Variants in DYRK1A observed in about 807,000 individuals in gnomAD.
DYRK1A encodes dual specificity tyrosine-phosphorylation-regulated kinase 1A.
Under a neutral mutation model 79.7 loss-of-function variants are expected in DYRK1A, and 9 were observed. The observed-to-expected ratio is 0.11, with a 90% CI of 0.07 to 0.20. The LOEUF is 0.20. Ranked by LOEUF, DYRK1A falls within the 10% of genes least tolerant of loss-of-function variation. The pLI, the probability that DYRK1A is intolerant of heterozygous loss-of-function variation, is 1.00. For missense variants in DYRK1A, 622 were observed against 956.0 expected (o/e 0.65, Z 4.61); for synonymous variants, 349 against 329.7 (o/e 1.06, Z -0.63).
At chr21:37,479,600 G>GTTTTTTTTTTTTTTTTTT in intron 4 of DYRK1A, among the ~76,000 whole-genome samples, 2 of 22,794 alleles carry the variant, frequency 8.8e-5, no homozygotes, top group South Asian at 1.5e-3. Context: ...TTTTGTTTTT[G>GTTTTTTTTTTTTTTTTTT]TTTTTGTTTT....
At chr21:37,426,735 C>A in intron 2 of DYRK1A, among the ~76,000 whole-genome samples, 1 of 146,996 alleles carries the variant, frequency 6.8e-6, no homozygotes. Context: ...ATGGTGAAAC[C>A]CCGTCTCTAC....
intron 2 of DYRK1A, among the ~76,000 whole-genome samples, chr21:37,438,779 A>G (rs2051000717): frequency 6.6e-6 from 1 of 152,146 alleles, no homozygotes; most frequent in Non-Finnish European, 1.5e-5. Context: ...CTTTCCTCTT[A>G]TTCAAAGTTT....
In DYRK1A at chr21:37,512,269, A is replaced by G. The variant is rs543826218; in HGVS notation, c.2003A>G (p.Asn668Ser). 26 of 1,614,232 alleles carry G rather than the reference A, an allele frequency of 1.6e-5. No homozygotes were observed. Among genetic ancestry groups the G allele is most frequent in the Middle Eastern group, 1.6e-4 (1 of 6,062 alleles). The change falls in exon 12 of 12, where the codon AAT becomes AGT. Residue 668 changes from asparagine to serine, a missense_variant. Around this residue, in one of 5 missense-constraint regions of DYRK1A, gnomAD observed 292 missense variants for 316.7 expected, o/e 0.92. Coordinates refer to ENST00000647188, the MANE Select transcript of DYRK1A (RefSeq NM_001347721.2). ...TCCTCCTCTACTGGTAACCAAGGCA[A>G]TCAGGCCTACCAGAATCGCCCAGTG... Reference protein sequence around the residue: ...TSSSSTGNQGNQAYQNRPVAA... With the variant: ...TSSSSTGNQGSQAYQNRPVAA...
chr21:37,409,221 A>G (rs1259133100), intron 1 of DYRK1A, among the ~76,000 whole-genome samples: 1 of 152,170 alleles, frequency 6.6e-6, no homozygotes, highest in Non-Finnish European at 1.5e-5. Flanking sequence ...ATATAACAGT[A>G]AAAAGAAGCA....
rs374411088 is a variant in DYRK1A, at chr21:37,440,833, G to C, written c.10+20449G>C. 5.3e-4 allele frequency among the ~76,000 whole-genome samples: 81 copies of C among 152,178 alleles called. No homozygotes were observed. In the South Asian group the frequency reaches 0.016, roughly 30 times the overall value. On this transcript the variant is annotated intron_variant, in intron 2 of 11. Transcript: ENST00000647188. ...TGTACCCCATAATGTTGTCTATCTTGGTTAAAGTTGCTTTGTCCCTAGAAA... is the reference window on the plus strand; with the variant it reads ...TGTACCCCATAATGTTGTCTATCTTCGTTAAAGTTGCTTTGTCCCTAGAAA...
At chr21:37,425,751 G>T (rs1203464344) in intron 2 of DYRK1A, 1 of 152,174 alleles carries the variant, frequency 6.6e-6, no homozygotes, top group Non-Finnish European at 1.5e-5. Flanking sequence ...GCAAGACTAG[G>T]TGAACAGTAT....
At chr21:37,376,464 G>A (rs754373630) in intron 1 of DYRK1A, among the ~76,000 whole-genome samples, 17 of 152,156 alleles carry the variant, frequency 1.1e-4, no homozygotes, top group Non-Finnish European at 2.1e-4. Flanking sequence ...GGCTGAGATC[G>A]TGCCACTGCG....
intron 2 of DYRK1A, among the ~76,000 whole-genome samples, chr21:37,438,689 C>T (rs1043495620): frequency 6.6e-6 from 1 of 152,124 alleles, no homozygotes; most frequent in South Asian, 2.1e-4. Context: ...ATCTATTTGT[C>T]CTGATACCAA....
intron 2 of DYRK1A, chr21:37,464,394 A>C (rs922305042): frequency 2.7e-6 from 1 of 375,586 alleles, no homozygotes; most frequent in Non-Finnish European, 5.2e-6. Flanking sequence ...AATTTTTCCC[A>C]AGTTTAGCAA....
intron 5 of DYRK1A, chr21:37,486,042 A>G (rs1196478465): frequency 2.6e-5 from 4 of 152,240 alleles, no homozygotes; most frequent in African/African-American, 7.2e-5. Flanking sequence ...TAAATATTTC[A>G]TACATATTCT....
intron 2 of DYRK1A, among the ~76,000 whole-genome samples, chr21:37,444,598 C>T (rs1423048446): frequency 1.5e-5 from 2 of 131,588 alleles, no homozygotes; most frequent in Non-Finnish European, 3.2e-5. Flanking sequence ...CCTGAGGAAC[C>T]CTAGACAAAC....
intron 3 of DYRK1A, among the ~76,000 whole-genome samples, chr21:37,476,507 C>T (rs1430622570): frequency 2.0e-5 from 3 of 152,086 alleles, no homozygotes; most frequent in South Asian, 2.1e-4. Context: ...TCCACCAGCC[C>T]AAGAAAGGGG....
At chr21:37,368,815 C>CA (rs2049371026) in intron 1 of DYRK1A, among the ~76,000 whole-genome samples, 2 of 152,192 alleles carry the variant, frequency 1.3e-5, no homozygotes, top group South Asian at 4.1e-4. Context: ...GAAATACTGG[C>CA]AAATTTTGGA....
At position 37,525,560 on chromosome 21, in the gene DYRK1A, T is replaced by A. The variant is rs2053962410; in HGVS notation, c.*13029T>A. 6.6e-6 allele frequency: 1 copy of A among 152,202 alleles called. No individual in the cohort carries two copies. The highest frequency in any genetic ancestry group is 1.5e-5 in the Non-Finnish European group (1 of 68,036). The allele number at this position is 152,202 out of a possible 1,614,324, so 9.4% of individuals were successfully genotyped here. On this transcript the variant is annotated 3_prime_UTR_variant, in exon 12 of 12. Coordinates refer to ENST00000647188, the MANE Select transcript of DYRK1A (RefSeq NM_001347721.2). ...ACAGCTAACTCATATCAGTGTGGAA[T>A]AGAAAATGGCTCAGTTGGACAACTT...
At chr21:37,511,104 G>A (rs1259465017) in intron 11 of DYRK1A, among the ~76,000 whole-genome samples, 1 of 152,204 alleles carries the variant, frequency 6.6e-6, no homozygotes, top group East Asian at 1.9e-4. Flanking sequence ...GAGAGATTTT[G>A]ACCCAGGGGA....
upstream of DYRK1A, chr21:37,365,958 C>T (rs1164402406): frequency 6.6e-6 from 1 of 152,150 alleles, no homozygotes; most frequent in Admixed American, 6.5e-5. Flanking sequence ...CCTGGGCGGC[C>T]CGACCGGAGC....
At chr21:37,438,283 A>G (rs1366317754) in intron 2 of DYRK1A, among the ~76,000 whole-genome samples, 1 of 152,024 alleles carries the variant, frequency 6.6e-6, no homozygotes, top group Non-Finnish European at 1.5e-5. Flanking sequence ...ATTCTCTTTA[A>G]AAGTGTCTTG....
intron 1 of DYRK1A, among the ~76,000 whole-genome samples, chr21:37,378,752 G>A (rs1426218659): frequency 6.6e-6 from 1 of 152,184 alleles, no homozygotes; most frequent in Non-Finnish European, 1.5e-5. Flanking sequence ...TGCTTTTAAT[G>A]TTGAGATAGG....
chr21:37,491,586 A>G (rs1290667742), intron 7 of DYRK1A, among the ~76,000 whole-genome samples: 1 of 152,182 alleles, frequency 6.6e-6, no homozygotes, highest in African/African-American at 2.4e-5. Flanking sequence ...ATTTTCTGCA[A>G]CTTCTCATGG....
Sources: allele counts gnomAD v4.1 joint callset (sites outside exome capture counted in the v4.1 genomes callset), GRCh38; gene constraint gnomAD v4.1.1; regional missense constraint gnomAD v4.1.1; transcripts MANE v1.5; gene names NCBI Gene and HGNC (gene_info 2026-07-23, HGNC 2026-07-21).